The following MSR1 variants were observed in gnomAD, a reference collection of about 807,000 sequenced individuals.
MSR1 encodes the protein macrophage scavenger receptor 1, also known as macrophage scavenger receptor types I and II.
A neutral mutation model predicts 47.2 loss-of-function variants in MSR1; 53 were observed. That is an observed-to-expected ratio of 1.12 (90% CI 0.90 to 1.41). The LOEUF is 1.41. MSR1 is among the 40% of genes most tolerant of loss of function. The probability of loss-of-function intolerance (pLI) is 0.00; values close to 1 mark genes in which losing one functional copy is unlikely to be tolerated. For synonymous variants in MSR1, 239 were observed against 185.6 expected (o/e 1.29, Z -2.34); for missense variants, 786 against 546.9 (o/e 1.44, Z -4.36).
rs2117114886 is a variant in MSR1 at position 16,143,571 on chromosome 8, A to G, written c.1020T>C (p.Ser340=). 1.2e-6 allele frequency: 2 copies of G among 1,611,978 alleles called. No individual in the cohort carries two copies. Among genetic ancestry groups the G allele is most frequent in the African/African-American group, 1.3e-5 (1 of 74,850 alleles). The change falls in exon 8 of 10, where the codon AGT becomes AGC. Residue 340 remains serine, a synonymous_variant. Coordinates refer to ENST00000262101, the MANE Select transcript of MSR1 (RefSeq NM_138715.3). ...CTATATACTTACTTAATGTGTTTCC[A>G]CTCCCCTTTTCCCCTTTCTGGCCTT... The part of the protein sequence containing the change: ...GPKGQKGEKG[S]GNTLTPFTKV...
intron 8 of MSR1, among the ~76,000 whole-genome samples, chr8:16,133,032 T>C (rs191953748): frequency 6.6e-6 from 1 of 152,318 alleles, no homozygotes; most frequent in East Asian, 1.9e-4. Flanking sequence ...GATCATCATG[T>C]AGTTTTTGTT....
chr8:16,158,873 T>A (rs1801083969), intron 5 of MSR1, among the ~76,000 whole-genome samples: 1 of 151,732 alleles, frequency 6.6e-6, no homozygotes, highest in African/African-American at 2.4e-5. Context: ...CTCAGCTGAA[T>A]TTTTCCTTTA....
At chr8:16,167,876 A>G (rs1422988199) in intron 4 of MSR1, among the ~76,000 whole-genome samples, 1 of 152,154 alleles carries the variant, frequency 6.6e-6, no homozygotes, top group African/African-American at 2.4e-5. Context: ...ATACCCTTTG[A>G]TATGCTTACT....
In MSR1 at chr8:16,123,152, C is replaced by G. The variant is rs149997203; in HGVS notation, c.1034-2546G>C. On this transcript the variant is annotated intron_variant, in intron 8 of 9. Transcript: ENST00000262101. ...AAGCCACGGCACCCGGCCCTCTATT[C>G]AAATTCTTTAGGGCCAAATATGCTT... 5.3e-3 allele frequency among the ~76,000 whole-genome samples: 800 copies of G among 152,134 alleles called. 6 individuals are homozygous for G. Among genetic ancestry groups the G allele is most frequent in the African/African-American group, 0.019 (769 of 41,540 alleles).
intron 5 of MSR1, among the ~76,000 whole-genome samples, chr8:16,161,868 T>C (rs530299887): frequency 3.5e-4 from 54 of 152,144 alleles, no homozygotes; most frequent in African/African-American, 1.3e-3. Flanking sequence ...TCACATGAAG[T>C]TCTTAGTTCT....
In MSR1 at chr8:16,180,313, C is replaced by A. The variant is rs1187160277; in HGVS notation, c.-4-2321G>T. On this transcript the variant is annotated intron_variant, in intron 1 of 9. Coordinates refer to ENST00000262101, the MANE Select transcript of MSR1 (RefSeq NM_138715.3). ...AGCTTTTAAAAATGTTCCTGTGTCT[C>A]TTTAACATGTATCAGAAACATTGGA... Among the ~76,000 whole-genome samples, 5 of 152,144 alleles carry A rather than the reference C, an allele frequency of 3.3e-5. No homozygotes were observed. The East Asian group carries it at 7.7e-4, about 24-fold the overall frequency.
chr8:16,155,929 G>C (rs556004762), intron 5 of MSR1, among the ~76,000 whole-genome samples: 107 of 151,908 alleles, frequency 7.0e-4, no homozygotes, highest in South Asian at 4.2e-3. Flanking sequence ...GCTCTCCTGA[G>C]AGCTGTAACT....
At chr8:16,167,809 G>C (rs1023612897) in intron 4 of MSR1, among the ~76,000 whole-genome samples, 2 of 152,116 alleles carry the variant, frequency 1.3e-5, no homozygotes, top group African/African-American at 2.4e-5. Flanking sequence ...ACTATGGACA[G>C]TTTCTTCTTT....
intron 8 of MSR1, among the ~76,000 whole-genome samples, chr8:16,142,932 CACA>C (rs1378576200): frequency 6.6e-6 from 1 of 152,096 alleles, no homozygotes; most frequent in African/African-American, 2.4e-5. Flanking sequence ...TCAGCCTAGA[CACA>C]ACAATTGACT....
intron 1 of MSR1, among the ~76,000 whole-genome samples, chr8:16,190,723 C>T (rs115508698): frequency 0.014 from 1,989 of 145,344 alleles, 69 homozygotes; most frequent in African/African-American, 0.051. Flanking sequence ...TTTTTTCTTT[C>T]TTTCTTTTTG....
intron 1 of MSR1, among the ~76,000 whole-genome samples, chr8:16,185,941 A>G (rs1024761640): frequency 1.1e-4 from 16 of 152,076 alleles, no homozygotes; most frequent in Non-Finnish European, 2.9e-5. Flanking sequence ...GACAAGGAAG[A>G]ACTTTTTGAC....
chr8:16,166,125 T>G (rs1358086310), intron 4 of MSR1, among the ~76,000 whole-genome samples: 4 of 151,346 alleles, frequency 2.6e-5, no homozygotes, highest in African/African-American at 9.7e-5. Context: ...ATCATCCAGG[T>G]TTTTCATCAT....
chr8:16,172,061 T>A (rs1801502359), intron 3 of MSR1, among the ~76,000 whole-genome samples: 1 of 152,200 alleles, frequency 6.6e-6, no homozygotes, highest in Non-Finnish European at 1.5e-5. Context: ...ATTGATTAAC[T>A]ATGGGGAAGT....
chr8:16,163,236 T>G (rs1157733354), intron 5 of MSR1, among the ~76,000 whole-genome samples: 1 of 151,602 alleles, frequency 6.6e-6, no homozygotes, highest in African/African-American at 2.4e-5. Context: ...TAAAATAAAC[T>G]GGAAAAAACC....
chr8:16,150,897 A>C (rs1215279174), intron 6 of MSR1, among the ~76,000 whole-genome samples: 1 of 150,096 alleles, frequency 6.7e-6, no homozygotes, highest in Non-Finnish European at 1.5e-5. Context: ...TGCGATACAC[A>C]GATTTACTTA....
At chr8:16,139,306 C>T (rs981486500) in intron 8 of MSR1, 34 of 982,926 alleles carry the variant, frequency 3.5e-5, no homozygotes, top group Admixed American at 1.2e-4. Flanking sequence ...GAGATCACTG[C>T]GAAGCATACC....
At chr8:16,159,079 G>A (rs548032316) in intron 5 of MSR1, among the ~76,000 whole-genome samples, 1 of 151,482 alleles carries the variant, frequency 6.6e-6, no homozygotes, top group Admixed American at 6.6e-5. Flanking sequence ...TGGGATTACA[G>A]GCATGAGCCA....
chr8:16,140,039 T>C, intron 8 of MSR1: 1 of 804,908 alleles, frequency 1.2e-6, no homozygotes, highest in Non-Finnish European at 1.5e-6. Flanking sequence ...TATCTCTTAT[T>C]AGCTGTTATG....
chr8:16,155,521 A>T (rs1800981666), intron 5 of MSR1, among the ~76,000 whole-genome samples: 1 of 152,066 alleles, frequency 6.6e-6, no homozygotes. Flanking sequence ...ATTAGCTACT[A>T]TACGGAAAAT....
Sources: allele counts gnomAD v4.1 joint callset (sites outside exome capture counted in the v4.1 genomes callset), GRCh38; gene constraint gnomAD v4.1.1; transcripts MANE v1.5; gene names NCBI Gene and HGNC (gene_info 2026-07-23, HGNC 2026-07-21).